The following LYST variants were observed in gnomAD, a reference collection of about 807,000 sequenced individuals.
LYST encodes the protein lysosomal-trafficking regulator.
A neutral mutation model predicts 413.6 loss-of-function variants in LYST; 192 were observed. The ratio of observed to expected loss-of-function variants is 0.46; its 90% CI spans 0.41 to 0.52. LYST has a LOEUF of 0.52. LYST is among the 20% of genes least tolerant of loss of function. The pLI, the probability that LYST is intolerant of heterozygous loss-of-function variation, is 0.00. For missense variants in LYST, 3,815 were observed against 4,499.9 expected (o/e 0.85, Z 4.35); for synonymous variants, 1,525 against 1,567.3 (o/e 0.97, Z 0.64).
chr1:235,824,985 A>C (rs1363346895), intron 3 of LYST, among the ~76,000 whole-genome samples: 1 of 152,138 alleles, frequency 6.6e-6, no homozygotes, highest in African/African-American at 2.4e-5. Context: ...GCGCCACTGC[A>C]CTCCAGCCTG....
At chr1:235,761,776 A>G (rs1365854566) in intron 22 of LYST, among the ~76,000 whole-genome samples, 1 of 148,856 alleles carries the variant, frequency 6.7e-6, no homozygotes, top group African/African-American at 2.5e-5. Flanking sequence ...AAAAAAAAAC[A>G]AAAAAAAACC....
In LYST at chr1:235,669,396, G is replaced by A. The variant is rs959106797; in HGVS notation, c.11039-4775C>T. ...AGGCCTAAAGAACAAAAGGACCAGA[G>A]GCTACTCCCTTTGCAAAACTCCCAC... On this transcript the variant is annotated intron_variant, in intron 50 of 52. Transcript: ENST00000389793. Among the ~76,000 whole-genome samples, 6 of 152,364 alleles carry A rather than the reference G, an allele frequency of 3.9e-5. 1 individual carries two copies. The highest frequency in any genetic ancestry group is 3.9e-4 in the Admixed American group (6 of 15,306).
chr1:235,855,077 A>G (rs1454254137), intron 1 of LYST, among the ~76,000 whole-genome samples: 1 of 152,142 alleles, frequency 6.6e-6, no homozygotes, highest in African/African-American at 2.4e-5. Flanking sequence ...ATTTTTTATC[A>G]TGTTGCTATG....
chr1:235,706,040 G>A (rs936336597), intron 44 of LYST, among the ~76,000 whole-genome samples: 18 of 152,062 alleles, frequency 1.2e-4, no homozygotes, highest in Non-Finnish European at 1.0e-4. Context: ...TGATCCACAC[G>A]CCTCGGCCTC....
chr1:235,743,097 T>C (rs1665576670), intron 30 of LYST, among the ~76,000 whole-genome samples: 1 of 152,220 alleles, frequency 6.6e-6, no homozygotes, highest in East Asian at 1.9e-4. Flanking sequence ...CCAGGGGTCC[T>C]GGAATGTATC....
chr1:235,681,425 C>G (rs979851593), intron 48 of LYST, among the ~76,000 whole-genome samples: 1 of 152,076 alleles, frequency 6.6e-6, no homozygotes, highest in Non-Finnish European at 1.5e-5. Context: ...CATTTTATCC[C>G]CGAAGCAATA....
intron 12 of LYST, among the ~76,000 whole-genome samples, chr1:235,791,005 C>T (rs909924252): frequency 5.3e-5 from 8 of 151,696 alleles, no homozygotes; most frequent in Non-Finnish European, 1.0e-4. Flanking sequence ...CAAAATTAGC[C>T]GGGTGTGGTG....
At position 235,674,287 on chromosome 1, in the gene LYST, G is replaced by A. The variant is rs1457475177; in HGVS notation, c.11038+2804C>T. On this transcript the variant is annotated intron_variant, in intron 50 of 52. Coordinates refer to ENST00000389793, the MANE Select transcript of LYST (RefSeq NM_000081.4). The surrounding 1 kb of genome is among the most constrained non-coding windows in gnomAD (Gnocchi z 4.1). Reference sequence around the variant, plus strand: ...CCCCAAGCGGATGTATGGTAGTATTGTAGTGGACCACTATTAAGTACTCTG... The same window carrying A: ...CCCCAAGCGGATGTATGGTAGTATTATAGTGGACCACTATTAAGTACTCTG... 4.6e-5 allele frequency among the ~76,000 whole-genome samples: 7 copies of A among 151,924 alleles called. No individual in the cohort carries two copies. Among genetic ancestry groups the A allele is most frequent in the African/African-American group, 7.3e-5 (3 of 41,356 alleles).
chr1:235,800,441 C>T (rs1215536059), intron 9 of LYST, 55 bp from the exon 10 acceptor site: 9 of 942,830 alleles, frequency 9.5e-6, no homozygotes, highest in Non-Finnish European at 1.6e-5. Flanking sequence ...AAGCATGAAA[C>T]AACTGCAATG....
intron 20 of LYST, among the ~76,000 whole-genome samples, chr1:235,768,669 A>T (rs1007736796): frequency 1.3e-5 from 2 of 152,138 alleles, no homozygotes; most frequent in Non-Finnish European, 2.9e-5. Flanking sequence ...GTGAAAAAAT[A>T]TATGGAAATC....
rs557414361 is a variant in LYST at position 235,804,550 on chromosome 1, C to A, written c.3509G>T (p.Gly1170Val). ...LFDALLRVAL[G>V]NYSADFEHND... Reference sequence around the variant, plus strand: ...ATGTTCAAAATCTGCTGAATAATTCCCGAGGGCAACTCGAAGCAGGGCATC... The same window carrying A: ...ATGTTCAAAATCTGCTGAATAATTCACGAGGGCAACTCGAAGCAGGGCATC... Residue 1170 changes from glycine to valine, a missense_variant, in exon 7 of 53, where the codon GGG becomes GTG. Coordinates refer to ENST00000389793, the MANE Select transcript of LYST (RefSeq NM_000081.4). The A allele has an allele frequency of 3.1e-6, 5 of 1,613,648 alleles. No individual in the cohort carries two copies. The South Asian group carries it at 5.5e-5, about 18-fold the overall frequency.
At chr1:235,726,704 G>C (rs770786132) in intron 38 of LYST, among the ~76,000 whole-genome samples, 2 of 152,150 alleles carry the variant, frequency 1.3e-5, no homozygotes, top group Non-Finnish European at 2.9e-5. Context: ...TTTATAGCAT[G>C]CAAGTTGACT....
At chr1:235,866,340 G>A (rs1680509229) in intron 1 of LYST, among the ~76,000 whole-genome samples, 1 of 151,348 alleles carries the variant, frequency 6.6e-6, no homozygotes, top group Admixed American at 6.6e-5. Context: ...ACAGGTGGGC[G>A]AGCGCCGCAG....
intron 44 of LYST, 62 bp from the exon 45 acceptor site, chr1:235,703,039 T>C: frequency 3.4e-6 from 4 of 1,187,998 alleles, no homozygotes; most frequent in Non-Finnish European, 5.0e-6. Flanking sequence ...TTGACAATAA[T>C]ACCAAAGGGA....
intron 47 of LYST, among the ~76,000 whole-genome samples, chr1:235,687,273 ATAT>A (rs1328707978): frequency 6.6e-6 from 1 of 152,208 alleles, no homozygotes; most frequent in African/African-American, 2.4e-5. Flanking sequence ...AAATTAAAAT[ATAT>A]TATAATGCAT....
chr1:235,719,179 C>T lies in LYST; in HGVS notation c.9560+1482G>A, dbSNP rs145145263. Among the ~76,000 whole-genome samples the T allele has an allele frequency of 2.7e-3, 405 of 152,156 alleles. 4 individuals carry two copies. Among genetic ancestry groups the T allele is most frequent in the Admixed American group, 4.3e-3 (65 of 15,272 alleles). ...AATTACAGGCATGTGCCACCACGGCCGGCAAATTTTGTATTTTTAATAGAG... is the reference window on the plus strand; with the variant it reads ...AATTACAGGCATGTGCCACCACGGCTGGCAAATTTTGTATTTTTAATAGAG... On this transcript the variant is annotated intron_variant, in intron 40 of 52. Coordinates refer to ENST00000389793, the MANE Select transcript of LYST (RefSeq NM_000081.4).
chr1:235,882,636 C>A (rs1298058513), intron 1 of LYST, among the ~76,000 whole-genome samples: 2 of 152,030 alleles, frequency 1.3e-5, no homozygotes, highest in Admixed American at 1.3e-4. Flanking sequence ...TAGGAACCTA[C>A]AAGAGGTGGT....
chr1:235,822,688 A>G (rs927447962), intron 3 of LYST, among the ~76,000 whole-genome samples: 1 of 152,186 alleles, frequency 6.6e-6, no homozygotes, highest in African/African-American at 2.4e-5. Context: ...CACAGCCACA[A>G]ATTAATTGCA....
intron 1 of LYST, among the ~76,000 whole-genome samples, chr1:235,872,066 C>T (rs562343201): frequency 4.7e-4 from 71 of 152,060 alleles, no homozygotes; most frequent in Non-Finnish European, 1.0e-3. Context: ...GAGGCTGAGG[C>T]GGGTGGATCA....
Sources: allele counts gnomAD v4.1 joint callset (sites outside exome capture counted in the v4.1 genomes callset), GRCh38; gene constraint gnomAD v4.1.1; non-coding constraint Gnocchi (gnomAD v3.1); transcripts MANE v1.5; gene names NCBI Gene and HGNC (gene_info 2026-07-23, HGNC 2026-07-21).